SMIM10L3: variants seen among roughly 807,000 people sequenced by gnomAD.
SMIM10L3 encodes the protein small integral membrane protein 10 like 3, also known as salivary gland specific protein SAGSIN1.
chr7:6,343,775 G>A, the SMIM10L3 span, among the ~76,000 whole-genome samples: 1 of 151,962 alleles, frequency 6.6e-6, no homozygotes. Flanking sequence ...ATGCCTCACT[G>A]CCCTACAAAC....
chr7:6,345,994 C>G, the SMIM10L3 span, among the ~76,000 whole-genome samples: 529 of 152,196 alleles, frequency 3.5e-3, 5 homozygotes, highest in Non-Finnish European at 6.0e-3. Context: ...GTCTTAAACT[C>G]CTGACCTCAA....
At chr7:6,339,516 C>A in the SMIM10L3 span, among the ~76,000 whole-genome samples, 1 of 150,994 alleles carries the variant, frequency 6.6e-6, no homozygotes, top group Non-Finnish European at 1.5e-5. Flanking sequence ...CGGAGTCTCG[C>A]TCTGTCGCCC....
the SMIM10L3 span, among the ~76,000 whole-genome samples, chr7:6,333,095 T>C: frequency 1.2e-4 from 18 of 149,248 alleles, no homozygotes; most frequent in Admixed American, 1.2e-3. Flanking sequence ...AGGCAGAGGT[T>C]GCAGTGAGCC....
At chr7:6,340,965 TA>T in the SMIM10L3 span, among the ~76,000 whole-genome samples, 118 of 87,426 alleles carry the variant, frequency 1.3e-3, no homozygotes, top group Middle Eastern at 0.026. Flanking sequence ...CTGTCTCTAC[TA>T]AAAAAAAAAA....
At chr7:6,339,911 G>C in the SMIM10L3 span, among the ~76,000 whole-genome samples, 12 of 151,866 alleles carry the variant, frequency 7.9e-5, no homozygotes, top group East Asian at 1.8e-3. Context: ...GGGAGCATGA[G>C]TCTCACTCTG....
chr7:6,331,057 CT>C, the SMIM10L3 span: 2 of 1,613,816 alleles, frequency 1.2e-6, no homozygotes, highest in Non-Finnish European at 1.7e-6. Context: ...CTCCGGCATT[CT>C]TTTCTTAAGG....
At chr7:6,330,685 C>T in the SMIM10L3 span, 6 of 1,614,062 alleles carry the variant, frequency 3.7e-6, no homozygotes, top group South Asian at 2.2e-5. Flanking sequence ...TTTTTGATGG[C>T]GTGGCAGTCG....
At chr7:6,341,239 T>C in the SMIM10L3 span, among the ~76,000 whole-genome samples, 1 of 150,002 alleles carries the variant, frequency 6.7e-6, no homozygotes, top group African/African-American at 2.5e-5. Context: ...GGTCAGGAGA[T>C]TGAGACCATC....
chr7:6,339,080 A>C, the SMIM10L3 span, among the ~76,000 whole-genome samples: 1 of 152,224 alleles, frequency 6.6e-6, no homozygotes, highest in Non-Finnish European at 1.5e-5. Flanking sequence ...AGAAACAGCA[A>C]TGACCACAGC....
chr7:6,348,621 G>A, the SMIM10L3 span: 19 of 494,838 alleles, frequency 3.8e-5, no homozygotes, highest in Non-Finnish European at 6.2e-5. Context: ...AGAGGTAGGG[G>A]AAGTTGATAC....
At chr7:6,346,887 C>T in the SMIM10L3 span, among the ~76,000 whole-genome samples, 1 of 152,170 alleles carries the variant, frequency 6.6e-6, no homozygotes, top group Non-Finnish European at 1.5e-5. Flanking sequence ...GGGAGCAACC[C>T]AAGGACCGTC....
chr7:6,348,648 G>T, the SMIM10L3 span: 1 of 510,658 alleles, frequency 2.0e-6, no homozygotes, highest in Non-Finnish European at 3.6e-6. Context: ...GCCAGGCCAG[G>T]TCGAAGAAGA....
At chr7:6,347,987 C>T in the SMIM10L3 span, among the ~76,000 whole-genome samples, 2 of 151,032 alleles carry the variant, frequency 1.3e-5, no homozygotes, top group African/African-American at 2.4e-5. Context: ...CTCGGCTCAC[C>T]GCAACCTGCG....
chr7:6,332,272 C>G, the SMIM10L3 span, among the ~76,000 whole-genome samples: 1 of 151,950 alleles, frequency 6.6e-6, no homozygotes. Flanking sequence ...TGCCCAAAAC[C>G]TTAAGAGTAA....
the SMIM10L3 span, among the ~76,000 whole-genome samples, chr7:6,333,643 C>T: frequency 6.6e-6 from 1 of 150,956 alleles, no homozygotes; most frequent in South Asian, 2.1e-4. Context: ...GGATTACAGG[C>T]AGGCACCACC....
At chr7:6,347,846 G>C in the SMIM10L3 span, among the ~76,000 whole-genome samples, 1 of 150,772 alleles carries the variant, frequency 6.6e-6, no homozygotes, top group Non-Finnish European at 1.5e-5. Context: ...TTGAGGCCAG[G>C]AGTTCGAGAC....
At chr7:6,335,532 C>CATT in the SMIM10L3 span, among the ~76,000 whole-genome samples, 6 of 110,598 alleles carry the variant, frequency 5.4e-5, no homozygotes, top group South Asian at 8.7e-4. Context: ...CCAGCCTAGC[C>CATT]GTTAATATGT....
At chr7:6,330,803 A>C in the SMIM10L3 span, 4 of 1,614,116 alleles carry the variant, frequency 2.5e-6, no homozygotes, top group Non-Finnish European at 2.5e-6. Context: ...CCACTGCAGG[A>C]CACCCGAGCA....
chr7:6,348,538 G>C, the SMIM10L3 span: 1 of 420,980 alleles, frequency 2.4e-6, no homozygotes, highest in Non-Finnish European at 4.2e-6. Flanking sequence ...GGCGCTCGGG[G>C]AGGGCCGGGG....
Sources: gnomAD v4.1 joint callset for allele counts (sites outside exome capture counted in the v4.1 genomes callset) on GRCh38, gnomAD v4.1.1 for gene constraint, MANE v1.5 for transcripts, NCBI Gene and HGNC (gene_info 2026-07-23, HGNC 2026-07-21) for gene names.